Variants in CTNNA3 observed in about 807,000 individuals in gnomAD.
The protein encoded by CTNNA3 is catenin alpha-3.
Under a neutral mutation model 95.7 loss-of-function variants are expected in CTNNA3, and 76 were observed. That is an observed-to-expected ratio of 0.79 (90% CI 0.66 to 0.96). The LOEUF is 0.96. Among genes scored for constraint, CTNNA3 ranks in the 40% least tolerant of loss-of-function variants. The pLI is 0.00. For synonymous variants in CTNNA3, 431 were observed against 374.4 expected, an observed-to-expected ratio of 1.15 and a Z score of -1.74; for missense variants, 1,191 against 1,089.8, an observed-to-expected ratio of 1.09 and a Z score of -1.31.
chr10:66,104,713 C>T (rs979876908), intron 13 of CTNNA3, among the ~76,000 whole-genome samples: 3 of 152,148 alleles, frequency 2.0e-5, no homozygotes, highest in Non-Finnish European at 2.9e-5. Flanking sequence ...TAGAAAACAA[C>T]CAAAAACGAA....
chr10:66,908,401 T>C lies in CTNNA3; in HGVS notation c.1048-132877A>G, dbSNP rs1358299895. Reference sequence around the variant, plus strand: ...TCTTTCAGTCAAGTTAGGGTATTTGTGGACAAGGATCTCATCAAAGCTGTC... The same window carrying C: ...TCTTTCAGTCAAGTTAGGGTATTTGCGGACAAGGATCTCATCAAAGCTGTC... On this transcript the variant is annotated intron_variant, in intron 7 of 17. Transcript: ENST00000433211. 2.6e-5 allele frequency among the ~76,000 whole-genome samples: 4 copies of C among 152,308 alleles called. No individual in the cohort carries two copies. In the East Asian group the frequency reaches 7.7e-4, roughly 29 times the overall value.
chr10:66,902,371 A>G (rs950623287), intron 7 of CTNNA3, among the ~76,000 whole-genome samples: 3 of 152,216 alleles, frequency 2.0e-5, no homozygotes, highest in African/African-American at 7.2e-5. Flanking sequence ...TTTGGGACAT[A>G]TTTAAAGCAG....
chr10:67,265,845 T>C lies in CTNNA3; in HGVS notation c.580-45975A>G, dbSNP rs192679266. ...TCAAAGATTACTTCCTTGGAAAAAC[T>C]GACCTGCCGCAGAGAAAAATATCTT... On this transcript the variant is annotated intron_variant, in intron 5 of 17. Coordinates refer to ENST00000433211, the MANE Select transcript of CTNNA3 (RefSeq NM_013266.4). Among the ~76,000 whole-genome samples, 460 of 152,296 alleles carry C rather than the reference T, an allele frequency of 3.0e-3. 3 individuals are homozygous for C. Among genetic ancestry groups the C allele is most frequent in the African/African-American group, 0.011 (444 of 41,576 alleles).
chr10:66,798,569 C>A (rs796270723), intron 7 of CTNNA3, among the ~76,000 whole-genome samples: 5 of 151,176 alleles, frequency 3.3e-5, no homozygotes, highest in African/African-American at 1.2e-4. Context: ...AATCTTAGTT[C>A]TTTCGACATC....
intron 1 of CTNNA3, among the ~76,000 whole-genome samples, chr10:67,760,267 A>G (rs1346383262): frequency 6.6e-6 from 1 of 152,216 alleles, no homozygotes; most frequent in Non-Finnish European, 1.5e-5. Context: ...TATGCCTTCA[A>G]CATTCAACTC....
chr10:66,881,699 T>G (rs867343701), intron 7 of CTNNA3, among the ~76,000 whole-genome samples: 13 of 152,052 alleles, frequency 8.5e-5, no homozygotes, highest in Non-Finnish European at 1.5e-4. Context: ...AACTCTCTTT[T>G]TCAAAAGAGA....
chr10:67,235,093 G>C, intron 5 of CTNNA3, among the ~76,000 whole-genome samples: 1 of 151,720 alleles, frequency 6.6e-6, no homozygotes, highest in Non-Finnish European at 1.5e-5. Context: ...ACTGCCCAAG[G>C]TAATTTACAG....
intron 2 of CTNNA3, among the ~76,000 whole-genome samples, chr10:67,614,538 C>T (rs1198866236): frequency 6.6e-6 from 1 of 152,126 alleles, no homozygotes; most frequent in Non-Finnish European, 1.5e-5. Flanking sequence ...CAATAAGGTT[C>T]ACTTTCCCAT....
intron 1 of CTNNA3, 133 bp from the exon 2 acceptor site, chr10:67,647,651 AC>A: frequency 3.3e-6 from 2 of 615,200 alleles, no homozygotes; most frequent in Non-Finnish European, 5.6e-6. Flanking sequence ...CCCTCAGAGG[AC>A]CAGGCTACAA....
intron 14 of CTNNA3, among the ~76,000 whole-genome samples, chr10:66,096,638 C>T (rs760696793): frequency 2.6e-5 from 4 of 151,486 alleles, no homozygotes; most frequent in African/African-American, 9.7e-5. Context: ...ATCCTCCCAC[C>T]TTACCCTTCC....
At position 66,392,085 on chromosome 10, in the gene CTNNA3, A is replaced by C. The variant is rs1253293218; in HGVS notation, c.1532-12733T>G. On this transcript the variant is annotated intron_variant, in intron 11 of 17. Transcript: ENST00000433211. Reference sequence around the variant, plus strand: ...ACAATTTTTTTACAAAAAAATGAATACATTGGACTTCGTAAAAATTTAAAA... The same window carrying C: ...ACAATTTTTTTACAAAAAAATGAATCCATTGGACTTCGTAAAAATTTAAAA... 1.2e-4 allele frequency among the ~76,000 whole-genome samples: 19 copies of C among 152,124 alleles called. 1 individual carries two copies. The East Asian group carries it at 2.3e-3, about 19-fold the overall frequency.
intron 1 of CTNNA3, among the ~76,000 whole-genome samples, chr10:67,681,370 A>C (rs1840622985): frequency 6.6e-6 from 1 of 152,172 alleles, no homozygotes; most frequent in Admixed American, 6.5e-5. Flanking sequence ...AATGGACTCC[A>C]ATATAAACTT....
At chr10:66,148,392 C>T (rs2084008916) in intron 13 of CTNNA3, among the ~76,000 whole-genome samples, 1 of 151,704 alleles carries the variant, frequency 6.6e-6, no homozygotes, top group East Asian at 1.9e-4. Flanking sequence ...GAATGTATTC[C>T]TCGAAAATTC....
At chr10:66,619,619 G>A (rs1014368489) in intron 10 of CTNNA3, among the ~76,000 whole-genome samples, 2 of 145,424 alleles carry the variant, frequency 1.4e-5, no homozygotes, top group African/African-American at 2.5e-5. Flanking sequence ...GCTAAATGAC[G>A]AGTTAATGGG....
chr10:66,513,585 AG>A (rs2131999309), intron 11 of CTNNA3, among the ~76,000 whole-genome samples: 1 of 152,264 alleles, frequency 6.6e-6, no homozygotes, highest in South Asian at 2.1e-4. Flanking sequence ...TGCTGGGCCA[AG>A]TTTGCTGGGT....
At chr10:67,006,028 C>CT (rs1851966241) in intron 7 of CTNNA3, among the ~76,000 whole-genome samples, 1 of 151,882 alleles carries the variant, frequency 6.6e-6, no homozygotes, top group South Asian at 2.1e-4. Flanking sequence ...AATTATTCAG[C>CT]ATCTTATCTC....
chr10:66,997,729 A>G (rs1428048265), intron 7 of CTNNA3, among the ~76,000 whole-genome samples: 2 of 152,112 alleles, frequency 1.3e-5, no homozygotes, highest in African/African-American at 4.8e-5. Context: ...ATTCCGTCAT[A>G]ACAATCTATA....
intron 9 of CTNNA3, among the ~76,000 whole-genome samples, chr10:66,752,171 A>T (rs1390014658): frequency 3.3e-5 from 5 of 152,020 alleles, no homozygotes; most frequent in Non-Finnish European, 5.9e-5. Flanking sequence ...AAGAAAGAGG[A>T]CTGACAACAC....
intron 2 of CTNNA3, among the ~76,000 whole-genome samples, chr10:67,608,314 G>T (rs561034986): frequency 1.3e-5 from 2 of 151,960 alleles, no homozygotes; most frequent in South Asian, 4.2e-4. Flanking sequence ...ATTATTTTTG[G>T]CTCCCTCTTA....
Sources: gnomAD v4.1 joint callset for allele counts (sites outside exome capture counted in the v4.1 genomes callset) on GRCh38, gnomAD v4.1.1 for gene constraint, MANE v1.5 for transcripts, NCBI Gene and HGNC (gene_info 2026-07-23, HGNC 2026-07-21) for gene names.